MAJIN: variants seen among roughly 807,000 people sequenced by gnomAD.
MAJIN encodes membrane-anchored junction protein.
Under a neutral mutation model 30.2 loss-of-function variants are expected in MAJIN, and 27 were observed. The observed-to-expected ratio is 0.89, with a 90% CI of 0.66 to 1.23. MAJIN has a LOEUF of 1.23. Among genes scored for constraint, MAJIN ranks in the 50% most tolerant of loss-of-function variants. MAJIN has a pLI of 0.00. For synonymous variants in MAJIN, 78 were observed against 91.6 expected, an observed-to-expected ratio of 0.85 and a Z score of 0.85; for missense variants, 253 against 260.3, an observed-to-expected ratio of 0.97 and a Z score of 0.19.
At chr11:64,964,262 TC>T (rs1255410280) in intron 1 of MAJIN, among the ~76,000 whole-genome samples, 3 of 152,106 alleles carry the variant, frequency 2.0e-5, no homozygotes, top group Non-Finnish European at 4.4e-5. Context: ...CTTTCAAAAG[TC>T]CTTGGCTGGT....
chr11:64,963,378 T>C (rs1327948234), intron 1 of MAJIN, among the ~76,000 whole-genome samples: 1 of 152,194 alleles, frequency 6.6e-6, no homozygotes, highest in Non-Finnish European at 1.5e-5. Flanking sequence ...GATCAGTGCA[T>C]AGAACCTGAA....
chr11:64,956,790 T>C (rs975440100), intron 3 of MAJIN, among the ~76,000 whole-genome samples: 3 of 131,606 alleles, frequency 2.3e-5, no homozygotes, highest in Admixed American at 1.7e-4. Flanking sequence ...TTTTGAGATG[T>C]TGTTTCGCTC....
chr11:64,951,302 T>G (rs933078301), intron 4 of MAJIN, among the ~76,000 whole-genome samples: 1 of 152,242 alleles, frequency 6.6e-6, no homozygotes, highest in Non-Finnish European at 1.5e-5. Flanking sequence ...TCACTCACTT[T>G]AAATTTTAAT....
intron 1 of MAJIN, among the ~76,000 whole-genome samples, 191 bp downstream of exon 1, chr11:64,971,686 G>C (rs902894229): frequency 2.6e-5 from 4 of 152,114 alleles, no homozygotes; most frequent in Non-Finnish European, 4.4e-5. Flanking sequence ...GAGCCCTGCA[G>C]TGGCACGGCC....
At chr11:64,945,506 A>G (rs1304068956) in intron 8 of MAJIN, among the ~76,000 whole-genome samples, 1 of 152,168 alleles carries the variant, frequency 6.6e-6, no homozygotes, top group Non-Finnish European at 1.5e-5. Flanking sequence ...TTTCAACTAC[A>G]GAGTACAGGT....
rs984139183 is a variant in MAJIN at position 64,944,776 on chromosome 11, G to A, written c.473+2598C>T. ...GAGTTGTTTGTGTTTGGATACTTAG[G>A]GTCACAGCAACTTTGGAGACATAGA... On this transcript the variant is annotated intron_variant, in intron 8 of 10. Coordinates refer to ENST00000301896, the MANE Select transcript of MAJIN (RefSeq NM_001037225.3). Among the ~76,000 whole-genome samples the A allele has an allele frequency of 2.0e-5, 3 of 152,248 alleles. No individual in the cohort carries two copies. In the South Asian group the frequency reaches 6.2e-4, roughly 32 times the overall value.
At chr11:64,947,578 A>G (rs763580527) in intron 7 of MAJIN, 113 bp from the exon 8 acceptor site, 9 of 1,140,020 alleles carry the variant, frequency 7.9e-6, no homozygotes, top group South Asian at 2.7e-5. Context: ...AACTTTTAAC[A>G]CCAGCTTTGC....
At chr11:64,959,887 G>A (rs1945696543) in intron 2 of MAJIN, among the ~76,000 whole-genome samples, 1 of 152,114 alleles carries the variant, frequency 6.6e-6, no homozygotes, top group African/African-American at 2.4e-5. Flanking sequence ...TTAGGAGGAC[G>A]TTTGCTATCA....
chr11:64,954,530 T>G, intron 4 of MAJIN: 1 of 640,716 alleles, frequency 1.6e-6, no homozygotes, highest in Non-Finnish European at 2.8e-6. Flanking sequence ...AACAAAAAGC[T>G]CTCAGCCTCA....
intron 1 of MAJIN, among the ~76,000 whole-genome samples, chr11:64,965,851 G>A (rs1055323328): frequency 3.3e-5 from 5 of 151,818 alleles, no homozygotes; most frequent in Admixed American, 1.3e-4. Context: ...AGCTACTCAG[G>A]AGGCTGAGGC....
rs1565115534 is a variant in MAJIN at position 64,938,561 on chromosome 11, CG to C, written c.*13del. The C allele has an allele frequency of 1.3e-6, 2 of 1,535,754 alleles. No individual in the cohort carries two copies. Among genetic ancestry groups the C allele is most frequent in the Admixed American group, 2.0e-5 (1 of 50,976 alleles). ...TGCTCTTCCTGAAGAAATATCGAAACGGGAAGAGAGAGCTGCAAGAATGAGA... is the reference window on the plus strand; with the variant it reads ...TGCTCTTCCTGAAGAAATATCGAAACGGAAGAGAGAGCTGCAAGAATGAGA... On this transcript the variant is annotated 3_prime_UTR_variant, in exon 11 of 11. Transcript: ENST00000301896.
chr11:64,949,738 CT>C lies in MAJIN; in HGVS notation c.349+4del. The C allele has an allele frequency of 6.2e-7, 1 of 1,612,554 alleles. No homozygotes were observed. On this transcript the variant is annotated splice_donor_region_variant and intron_variant, in intron 6 of 10. Coordinates refer to ENST00000301896, the MANE Select transcript of MAJIN (RefSeq NM_001037225.3). ...TGCCATCCACATTCACATCATTCCA[CT>C]TACCAGGTGACAGGTTTTCATGGAA...
At chr11:64,945,934 T>C (rs1310224696) in intron 8 of MAJIN, among the ~76,000 whole-genome samples, 1 of 152,222 alleles carries the variant, frequency 6.6e-6, no homozygotes, top group African/African-American at 2.4e-5. Context: ...AATGTTATTC[T>C]GCAGACAGTG....
chr11:64,959,794 C>T (rs1353149480), intron 2 of MAJIN, among the ~76,000 whole-genome samples: 4 of 152,220 alleles, frequency 2.6e-5, no homozygotes, highest in Admixed American at 6.6e-5. Context: ...ACCATCCCCA[C>T]TTCCACTGGA....
At chr11:64,970,435 T>C (rs1327351771) in intron 1 of MAJIN, among the ~76,000 whole-genome samples, 2 of 139,008 alleles carry the variant, frequency 1.4e-5, no homozygotes, top group Non-Finnish European at 3.1e-5. Context: ...GGTGCGATCT[T>C]GGCTCACTGC....
chr11:64,944,324 A>G (rs1387046458), intron 8 of MAJIN, among the ~76,000 whole-genome samples: 1 of 152,072 alleles, frequency 6.6e-6, no homozygotes, highest in Non-Finnish European at 1.5e-5. Context: ...TGGCCACTTT[A>G]TGCTCCCTTT....
Position 64,944,184 on chromosome 11 carries a change from A to C in MAJIN, c.473+3190T>G, listed in dbSNP as rs562623848. 3.9e-5 allele frequency among the ~76,000 whole-genome samples: 6 copies of C among 152,400 alleles called. No homozygotes were observed. In the East Asian group the frequency reaches 7.7e-4, roughly 20 times the overall value. ...TGAAAATAACTTCAGTTTTCTACTT[A>C]AAAATGTTTTACAGAATTCCTGTGA... is the stretch of plus-strand genomic sequence containing the variant. On this transcript the variant is annotated intron_variant, in intron 8 of 10. Coordinates refer to ENST00000301896, the MANE Select transcript of MAJIN (RefSeq NM_001037225.3).
In MAJIN at chr11:64,940,505, C is replaced by T. The variant is rs117380451; in HGVS notation, c.546+69G>A. ...CCAGACTCAGCTCTGTGCTGCTCTA[C>T]ATATCAGAGAACTACAAGGGAAAGG... is the stretch of plus-strand genomic sequence containing the variant. On this transcript the variant is annotated intron_variant, in intron 9 of 10. Transcript: ENST00000301896. The T allele has an allele frequency of 5.0e-3, 7,477 of 1,491,578 alleles. 39 individuals are homozygous for T. The highest frequency in any genetic ancestry group is 0.015 in the Middle Eastern group (85 of 5,842). The allele number at this position is 1,491,578 out of a possible 1,614,324, so 92.4% of individuals were successfully genotyped here.
chr11:64,957,297 C>G (rs1945651387), intron 3 of MAJIN, among the ~76,000 whole-genome samples: 1 of 152,082 alleles, frequency 6.6e-6, no homozygotes, highest in East Asian at 1.9e-4. Context: ...CCAGGCTGAT[C>G]TCAAACTCCT....
Sources: gnomAD v4.1 joint callset for allele counts (sites outside exome capture counted in the v4.1 genomes callset) on GRCh38, gnomAD v4.1.1 for gene constraint, MANE v1.5 for transcripts, NCBI Gene and HGNC (gene_info 2026-07-23, HGNC 2026-07-21) for gene names.